Variants in VPS35L observed in about 807,000 individuals in gnomAD.
VPS35L encodes the protein VPS35 endosomal protein-sorting factor-like.
In VPS35L, 83 loss-of-function variants were observed where a neutral mutation model predicts 133.0. The ratio of observed to expected loss-of-function variants is 0.62; its 90% CI spans 0.52 to 0.75. VPS35L has a LOEUF of 0.75. Ranked by LOEUF, VPS35L falls within the 30% of genes least tolerant of loss-of-function variation. VPS35L has a pLI of 0.00. For synonymous variants in VPS35L, 423 were observed against 449.9 expected, an observed-to-expected ratio of 0.94 and a Z score of 0.76; for missense variants, 1,083 against 1,206.8, an observed-to-expected ratio of 0.90 and a Z score of 1.52.
chr16:19,666,132 C>T (rs1032375791), intron 26 of VPS35L, among the ~76,000 whole-genome samples: 2 of 151,956 alleles, frequency 1.3e-5, no homozygotes, highest in Non-Finnish European at 2.9e-5. Flanking sequence ...TGTGGGTTCT[C>T]GTTTCACTTT....
chr16:19,681,033 C>G (rs1214979987), intron 27 of VPS35L, among the ~76,000 whole-genome samples: 1 of 152,056 alleles, frequency 6.6e-6, no homozygotes, highest in East Asian at 1.9e-4. Context: ...TGCAGGCTAC[C>G]AAGGAGCCGT....
chr16:19,664,862 C>T (rs904103459), intron 26 of VPS35L, among the ~76,000 whole-genome samples: 6 of 150,930 alleles, frequency 4.0e-5, no homozygotes, highest in Admixed American at 2.6e-4. Context: ...ATCACATCAC[C>T]GCATTCCAGC....
chr16:19,636,165 G>A (rs1291442845), intron 19 of VPS35L, among the ~76,000 whole-genome samples: 1 of 152,114 alleles, frequency 6.6e-6, no homozygotes, highest in Non-Finnish European at 1.5e-5. Context: ...GCCAGCCTGT[G>A]CAACAGAGAA....
intron 9 of VPS35L, among the ~76,000 whole-genome samples, chr16:19,606,840 A>T (rs776784792): frequency 1.3e-5 from 2 of 152,212 alleles, no homozygotes; most frequent in Non-Finnish European, 2.9e-5. Flanking sequence ...GCTGGAGTGC[A>T]GTGGCTCAAT....
At position 19,669,346 on chromosome 16, in the gene VPS35L, C is replaced by T. The variant is rs758115691; in HGVS notation, c.2361+47C>T. 4 of 1,563,402 alleles carry T rather than the reference C, an allele frequency of 2.6e-6. No individual in the cohort carries two copies. In the South Asian group the frequency reaches 4.7e-5, roughly 18 times the overall value. On this transcript the variant is annotated intron_variant, in intron 27 of 30. Transcript: ENST00000417362. ...GCAGGACATGTCTTCCTTTCACCTG[C>T]CTTATAATATTATATGTGTTCTTAG...
intron 26 of VPS35L, among the ~76,000 whole-genome samples, chr16:19,661,561 C>T (rs190940949): frequency 2.1e-3 from 317 of 152,236 alleles, no homozygotes; most frequent in African/African-American, 5.0e-3. Context: ...CCCCAGAGCA[C>T]GATATGGAGC....
chr16:19,647,265 A>G (rs1973980269), intron 23 of VPS35L, among the ~76,000 whole-genome samples: 1 of 152,242 alleles, frequency 6.6e-6, no homozygotes, highest in African/African-American at 2.4e-5. Flanking sequence ...GAAATCAGAT[A>G]TGAAACATGA....
intron 12 of VPS35L, among the ~76,000 whole-genome samples, chr16:19,614,150 A>G (rs1446626832): frequency 6.6e-6 from 1 of 152,172 alleles, no homozygotes; most frequent in Admixed American, 6.5e-5. Flanking sequence ...CACCTAACAG[A>G]TAATTATTGT....
intron 28 of VPS35L, among the ~76,000 whole-genome samples, chr16:19,685,752 C>A (rs773471798): frequency 6.7e-4 from 102 of 152,110 alleles, no homozygotes; most frequent in Non-Finnish European, 1.2e-3. Flanking sequence ...AGGTTGAACA[C>A]CCTTTCCTGT....
chr16:19,573,478 A>G (rs761673455), intron 4 of VPS35L: 21 of 381,348 alleles, frequency 5.5e-5, no homozygotes, highest in Non-Finnish European at 7.6e-5. Context: ...CAGGCCAGAG[A>G]AAGAATTAGA....
chr16:19,616,627 T>C, intron 13 of VPS35L, 59 bp from the exon 14 acceptor site: 1 of 1,581,500 alleles, frequency 6.3e-7, no homozygotes, highest in Non-Finnish European at 8.6e-7. Flanking sequence ...GTTGTGTATG[T>C]TTTGTTTGTT....
At chr16:19,663,265 C>T (rs1471609880) in intron 26 of VPS35L, among the ~76,000 whole-genome samples, 1 of 152,172 alleles carries the variant, frequency 6.6e-6, no homozygotes, top group South Asian at 2.1e-4. Context: ...GAGCCAAGAT[C>T]ATGCCATTGC....
At chr16:19,677,061 CTTTTT>C (rs1041125888) in intron 27 of VPS35L, among the ~76,000 whole-genome samples, 1 of 144,330 alleles carries the variant, frequency 6.9e-6, no homozygotes, top group Non-Finnish European at 1.5e-5. Flanking sequence ...AAAAAGTTTT[CTTTTT>C]TTCTTTTTTT....
chr16:19,626,717 A>G (rs1207372701), intron 15 of VPS35L, among the ~76,000 whole-genome samples: 2 of 151,816 alleles, frequency 1.3e-5, no homozygotes, highest in African/African-American at 4.8e-5. Flanking sequence ...AGCCGAGATC[A>G]TGACACTGTA....
At position 19,699,697 on chromosome 16, in the gene VPS35L, A is replaced by T; in HGVS notation, c.2793+49A>T. 6.2e-7 allele frequency: 1 copy of T among 1,602,896 alleles called. No individual in the cohort carries two copies. The highest frequency in any genetic ancestry group is 8.5e-7 in the Non-Finnish European group (1 of 1,176,952). On this transcript the variant is annotated intron_variant, in intron 30 of 30. Transcript: ENST00000417362. This position sits in a 1 kb window ranked among gnomAD's most constrained non-coding sequence, Gnocchi z 4.2. ...GGTATAAGCCCACTGGCCAGTGCAC[A>T]ACCACCCTCAACACAGCATTGTGGC...
At chr16:19,614,539 T>C (rs1421829099) in intron 12 of VPS35L, among the ~76,000 whole-genome samples, 1 of 152,200 alleles carries the variant, frequency 6.6e-6, no homozygotes, top group East Asian at 1.9e-4. Flanking sequence ...ACCTCCCAGG[T>C]AGCTGGGTCT....
At chr16:19,582,820 C>A (rs1430824907) in intron 7 of VPS35L, among the ~76,000 whole-genome samples, 1 of 152,230 alleles carries the variant, frequency 6.6e-6, no homozygotes, top group African/African-American at 2.4e-5. Flanking sequence ...AACTCCACAT[C>A]TGGCTAATAG....
At chr16:19,614,270 A>G (rs1486502343) in intron 12 of VPS35L, among the ~76,000 whole-genome samples, 1 of 152,180 alleles carries the variant, frequency 6.6e-6, no homozygotes, top group Non-Finnish European at 1.5e-5. Context: ...TTGTCCTTGA[A>G]AACAGCACTT....
chr16:19,697,196 G>C (rs1255222258), intron 29 of VPS35L, among the ~76,000 whole-genome samples: 1 of 152,246 alleles, frequency 6.6e-6, no homozygotes, highest in East Asian at 1.9e-4. Flanking sequence ...TGGGCTCTTT[G>C]CCGTCGGCTC....
Sources: gnomAD v4.1 joint callset for allele counts (sites outside exome capture counted in the v4.1 genomes callset) on GRCh38, gnomAD v4.1.1 for gene constraint, Gnocchi (gnomAD v3.1) non-coding constraint, MANE v1.5 for transcripts, NCBI Gene and HGNC (gene_info 2026-07-23, HGNC 2026-07-21) for gene names.